The following LSM6 variants were observed in gnomAD, a reference collection of about 807,000 sequenced individuals.
LSM6 encodes U6 snRNA-associated Sm-like protein LSm6.
A neutral mutation model predicts 13.5 loss-of-function variants in LSM6; 2 were observed. That is an observed-to-expected ratio of 0.15 (90% confidence interval 0.06 to 0.47). The LOEUF (loss-of-function observed/expected upper bound fraction) is 0.47, where lower values mean the gene tolerates loss of function less well. LSM6 is among the 20% of genes least tolerant of loss of function. LSM6 has a pLI of 0.97. For synonymous variants in LSM6, 43 were observed against 34.9 expected, an observed-to-expected ratio of 1.23 and a Z score of -0.82; for missense variants, 58 against 96.4, an observed-to-expected ratio of 0.60 and a Z score of 1.67.
At chr4:146,181,050 G>T (rs1465064602) in intron 1 of LSM6, 1 of 152,204 alleles carries the variant, frequency 6.6e-6, no homozygotes, top group East Asian at 1.9e-4. Flanking sequence ...GTCCTGAATA[G>T]TAGTTGTAAT....
At chr4:146,176,515 A>G (rs1445362490) in intron 1 of LSM6, 1 of 152,212 alleles carries the variant, frequency 6.6e-6, no homozygotes, top group Non-Finnish European at 1.5e-5. Context: ...AAAATTGCAA[A>G]CATAGAAGAC....
At chr4:146,179,366 A>G (rs1730181762) in intron 1 of LSM6, among the ~76,000 whole-genome samples, 1 of 152,226 alleles carries the variant, frequency 6.6e-6, no homozygotes, top group African/African-American at 2.4e-5. Context: ...ACTTGAGCCA[A>G]GTGATGGGAA....
rs915438070 is a variant in LSM6 at position 146,190,870 on chromosome 4, C to T, written c.*1214C>T. The T allele has an allele frequency of 2.6e-5, 4 of 152,018 alleles. No individual in the cohort carries two copies. The highest frequency in any genetic ancestry group is 9.7e-5 in the African/African-American group (4 of 41,334). The allele number at this position is 152,018 out of a possible 1,614,324, so 9.4% of individuals were successfully genotyped here. A position where few individuals can be genotyped will look rare whatever the true frequency, so the allele number is the denominator to read the frequency against. On this transcript the variant is annotated 3_prime_UTR_variant, in exon 4 of 4. Coordinates refer to ENST00000296581, the MANE Select transcript of LSM6 (RefSeq NM_007080.3). ...TATTTCAGGAGCCGATGGTGTGATT[C>T]GAAACAACTGCTTGGTTGAAGGATG...
chr4:146,183,258 G>T, intron 2 of LSM6: 1 of 370,018 alleles, frequency 2.7e-6, no homozygotes, highest in Non-Finnish European at 5.1e-6. Flanking sequence ...TCTCTGCTTT[G>T]AGATCATATG....
At chr4:146,179,339 G>GA (rs534223910) in intron 1 of LSM6, among the ~76,000 whole-genome samples, 64 of 152,192 alleles carry the variant, frequency 4.2e-4, no homozygotes, top group Non-Finnish European at 8.4e-4. Context: ...CAATTTAAAA[G>GA]ATGAAAACTT....
chr4:146,182,488 A>G (rs1174097404), intron 1 of LSM6, among the ~76,000 whole-genome samples: 2 of 152,256 alleles, frequency 1.3e-5, no homozygotes, highest in African/African-American at 2.4e-5. Flanking sequence ...TGGTTCTTGT[A>G]AAGATGAAAT....
intron 3 of LSM6, among the ~76,000 whole-genome samples, chr4:146,188,612 G>A (rs1271323078): frequency 6.6e-6 from 1 of 152,120 alleles, no homozygotes; most frequent in East Asian, 1.9e-4. Context: ...CTCAGAAGCC[G>A]AGTAGGCATG....
At position 146,190,806 on chromosome 4, in the gene LSM6, A is replaced by T. The variant is rs1223933397; in HGVS notation, c.*1150A>T. The T allele has an allele frequency of 6.6e-6, 1 of 152,144 alleles. No individual in the cohort carries two copies. The highest frequency in any genetic ancestry group is 1.5e-5 in the Non-Finnish European group (1 of 68,058). The allele number at this position is 152,144 out of a possible 1,614,324, so 9.4% of individuals were successfully genotyped here. On this transcript the variant is annotated 3_prime_UTR_variant, in exon 4 of 4. Coordinates refer to ENST00000296581, the MANE Select transcript of LSM6 (RefSeq NM_007080.3). ...GACAATTGTGTGAATGTTGTATTGG[A>T]CTTCCTCTTCCCTCCCTTCCCAATC... is the stretch of plus-strand genomic sequence containing the variant.
Position 146,190,156 on chromosome 4 carries a change from A to C in LSM6, c.*500A>C, listed in dbSNP as rs1331412268. On this transcript the variant is annotated 3_prime_UTR_variant, in exon 4 of 4. Coordinates refer to ENST00000296581, the MANE Select transcript of LSM6 (RefSeq NM_007080.3). ...TACAAAAAGGGGCCACAGGATCAGAAGTTCAGCCACTGATTGAGTCACCTA... is the reference window on the plus strand; with the variant it reads ...TACAAAAAGGGGCCACAGGATCAGACGTTCAGCCACTGATTGAGTCACCTA... 2.0e-5 allele frequency: 3 copies of C among 153,060 alleles called. No individual in the cohort carries two copies. The highest frequency in any genetic ancestry group is 7.2e-5 in the African/African-American group (3 of 41,484). The allele number at this position is 153,060 out of a possible 1,614,324, so 9.5% of individuals were successfully genotyped here.
chr4:146,184,684 G>C (rs1003619648), intron 2 of LSM6, among the ~76,000 whole-genome samples: 15 of 152,068 alleles, frequency 9.9e-5, no homozygotes, highest in African/African-American at 3.4e-4. Context: ...TGTCTTCTCA[G>C]TACCCACTTT....
intron 1 of LSM6, among the ~76,000 whole-genome samples, chr4:146,179,199 C>G (rs1346494583): frequency 6.6e-6 from 1 of 152,152 alleles, no homozygotes; most frequent in African/African-American, 2.4e-5. Flanking sequence ...GTGATTATGA[C>G]TTTAATTTTG....
At chr4:146,178,717 C>A (rs17021188) in intron 1 of LSM6, among the ~76,000 whole-genome samples, 1 of 152,180 alleles carries the variant, frequency 6.6e-6, no homozygotes, top group East Asian at 1.9e-4. Flanking sequence ...TTCTTTGCAT[C>A]TGTCCATTGT....
chr4:146,185,886 G>A (rs190091582), intron 2 of LSM6, among the ~76,000 whole-genome samples: 1 of 152,046 alleles, frequency 6.6e-6, no homozygotes, highest in Non-Finnish European at 1.5e-5. Flanking sequence ...ACAGGCACCT[G>A]CCACCATGCC....
rs1260469200 is a variant in LSM6, at chr4:146,187,306, A to G, written c.127A>G (p.Ile43Val). 6.2e-7 allele frequency: 1 copy of G among 1,612,208 alleles called. No homozygotes were observed. The highest frequency in any genetic ancestry group is 8.5e-7 in the Non-Finnish European group (1 of 1,178,344). Reference protein sequence around the residue: ...VLACLDGYMNIALEQTEEYVN... With the variant: ...VLACLDGYMNVALEQTEEYVN... Reference sequence around the variant, plus strand: ...GGCTTGCCTGGATGGCTACATGAATATAGCCCTGGAGCAGACAGAAGAATA... The same window carrying G: ...GGCTTGCCTGGATGGCTACATGAATGTAGCCCTGGAGCAGACAGAAGAATA... Residue 43 changes from isoleucine (I) to valine (V), a missense_variant, in exon 3 of 4, where the codon ATA becomes GTA. By Grantham distance (29) the Ile-to-Val change is conservative (BLOSUM62 3). This residue lies in a region of LSM6 where 7 missense variants were observed against 36.3 expected (regional missense o/e 0.19). Coordinates refer to ENST00000296581, the MANE Select transcript of LSM6 (RefSeq NM_007080.3).
chr4:146,189,312 T>C (rs1048684214), intron 3 of LSM6, among the ~76,000 whole-genome samples: 1 of 152,218 alleles, frequency 6.6e-6, no homozygotes, highest in African/African-American at 2.4e-5. Flanking sequence ...ATAATTCTTA[T>C]ACTTCTAACT....
chr4:146,186,622 G>A lies in LSM6; in HGVS notation c.95-652G>A, dbSNP rs575252422. Among the ~76,000 whole-genome samples the A allele has an allele frequency of 2.0e-5, 3 of 152,244 alleles. No individual in the cohort carries two copies. The South Asian group carries it at 6.2e-4, about 32-fold the overall frequency. The stretch of plus-strand genomic sequence containing the variant: ...CCATTTTCTCTATTAGTTTTGATTG[G>A]AAAATATTATAGCTGTAACAAAACA... On this transcript the variant is annotated intron_variant, in intron 2 of 3. Coordinates refer to ENST00000296581, the MANE Select transcript of LSM6 (RefSeq NM_007080.3).
chr4:146,176,751 T>C (rs1285194650), intron 1 of LSM6: 1 of 152,116 alleles, frequency 6.6e-6, no homozygotes, highest in Non-Finnish European at 1.5e-5. Flanking sequence ...TATTCAGTCA[T>C]TTCCCGATTG....
chr4:146,187,487 T>C, intron 3 of LSM6, 100 bp downstream of exon 3: 1 of 643,356 alleles, frequency 1.6e-6, no homozygotes, highest in Non-Finnish European at 2.7e-6. Context: ...AAGTCCACTT[T>C]TAGGCTTGAT....
chr4:146,178,420 T>C (rs1459500696), intron 1 of LSM6, among the ~76,000 whole-genome samples: 1 of 152,136 alleles, frequency 6.6e-6, no homozygotes, highest in Non-Finnish European at 1.5e-5. Context: ...GAGGGATTGG[T>C]ATGAAGCCTT....
Sources: gnomAD v4.1 joint callset for allele counts (sites outside exome capture counted in the v4.1 genomes callset) on GRCh38, gnomAD v4.1.1 for gene constraint, gnomAD v4.1.1 regional missense constraint, MANE v1.5 for transcripts, NCBI Gene and HGNC (gene_info 2026-07-23, HGNC 2026-07-21) for gene names.